Variants in NAV2 observed in about 807,000 individuals in gnomAD.
NAV2 encodes the protein helicase, APC down-regulated 1.
NAV2 carries 54 observed loss-of-function variants against 223.2 expected under a neutral mutation model. The ratio of observed to expected loss-of-function variants is 0.24; its 90% confidence interval spans 0.19 to 0.30. NAV2 has a LOEUF of 0.30. NAV2 is among the 10% of genes least tolerant of loss of function. The pLI is 1.00. For missense variants in NAV2, 2,806 were observed against 3,147.5 expected, an observed-to-expected ratio of 0.89 and a Z score of 2.60; for synonymous variants, 1,279 against 1,239.3, an observed-to-expected ratio of 1.03 and a Z score of -0.67.
chr11:19,572,449 G>T (rs2045455307), intron 1 of NAV2, among the ~76,000 whole-genome samples: 2 of 152,102 alleles, frequency 1.3e-5, no homozygotes, highest in South Asian at 2.1e-4. Flanking sequence ...CAACCTTTCG[G>T]CTTCAATATT....
intron 1 of NAV2, among the ~76,000 whole-genome samples, chr11:19,360,546 C>T (rs537804374): frequency 2.0e-5 from 3 of 152,290 alleles, no homozygotes; most frequent in Admixed American, 2.0e-4. Flanking sequence ...AAAGCAAGTC[C>T]ATAGAGATAG....
chr11:19,838,679 A>G (rs1276254033), intron 2 of NAV2, among the ~76,000 whole-genome samples: 1 of 152,220 alleles, frequency 6.6e-6, no homozygotes, highest in Non-Finnish European at 1.5e-5. Context: ...GCTGGAGTGC[A>G]GTGTTACGAT....
At chr11:20,037,647 A>G (rs1345634968) in intron 12 of NAV2, among the ~76,000 whole-genome samples, 2 of 152,188 alleles carry the variant, frequency 1.3e-5, no homozygotes, top group Non-Finnish European at 2.9e-5. Flanking sequence ...GTGGCTATGT[A>G]AGTATGTTAA....
At chr11:19,621,382 T>C (rs2046989861) in intron 1 of NAV2, among the ~76,000 whole-genome samples, 1 of 152,216 alleles carries the variant, frequency 6.6e-6, no homozygotes, top group Admixed American at 6.5e-5. Flanking sequence ...ATCCGTCTGG[T>C]CCTGGACTTT....
intron 1 of NAV2, among the ~76,000 whole-genome samples, chr11:19,697,626 G>A (rs1350591966): frequency 6.6e-6 from 1 of 152,066 alleles, no homozygotes; most frequent in South Asian, 2.1e-4. Flanking sequence ...GATGGGGCAG[G>A]AGGGGTCTTG....
intron 1 of NAV2, among the ~76,000 whole-genome samples, chr11:19,619,507 C>T (rs2046917156): frequency 6.6e-6 from 1 of 152,134 alleles, no homozygotes; most frequent in African/African-American, 2.4e-5. Flanking sequence ...TCTCTGATGG[C>T]CAGTGATGAT....
At chr11:19,878,965 C>T (rs2063029752) in intron 4 of NAV2, among the ~76,000 whole-genome samples, 1 of 152,162 alleles carries the variant, frequency 6.6e-6, no homozygotes, top group Non-Finnish European at 1.5e-5. Context: ...CCTAGGATGA[C>T]AGGAAAGCAG....
At chr11:19,895,026 G>A (rs867013014) in intron 6 of NAV2, among the ~76,000 whole-genome samples, 11 of 151,952 alleles carry the variant, frequency 7.2e-5, no homozygotes, top group African/African-American at 1.9e-4. Context: ...CACTGTGCCC[G>A]GCTATCATAC....
In NAV2 at chr11:19,712,916, C is replaced by G. The variant is rs908810449; in HGVS notation, c.-780C>G. ...GGCCGCTCCCGAGCGCAGCCCTGCC[C>G]GGCCCGCCAGCCGCGCGTCCCGGCG... On this transcript the variant is annotated 5_prime_UTR_variant, in exon 1 of 38. Coordinates refer to ENST00000349880, the MANE Select transcript of NAV2 (RefSeq NM_145117.5). 6.6e-6 allele frequency among the ~76,000 whole-genome samples: 1 copy of G among 151,410 alleles called. No homozygotes were observed. Among genetic ancestry groups the G allele is most frequent in the Admixed American group, 6.6e-5 (1 of 15,184 alleles).
rs58746035 is a variant in NAV2, at chr11:19,668,309, G to A, written c.76-164175G>A. 4.6e-3 allele frequency among the ~76,000 whole-genome samples: 703 copies of A among 152,216 alleles called. 5 individuals carry two copies. Among genetic ancestry groups the A allele is most frequent in the Middle Eastern group, 0.024 (7 of 294 alleles). On this transcript the variant is annotated intron_variant, in intron 1 of 37. Coordinates refer to the NAV2 transcript ENST00000360655. ...TCTCAGCACTTTGAGAGGCCAAGGC[G>A]GGTGGATCACCTGAGGTCAGGAGTT...
chr11:19,540,890 T>C (rs987954626), intron 1 of NAV2, among the ~76,000 whole-genome samples: 3 of 152,070 alleles, frequency 2.0e-5, no homozygotes, highest in African/African-American at 7.3e-5. Flanking sequence ...AAACCCTGTT[T>C]CTTAAAAGAA....
intron 1 of NAV2, among the ~76,000 whole-genome samples, chr11:19,625,173 T>C (rs2047129193): frequency 6.6e-6 from 1 of 152,228 alleles, no homozygotes; most frequent in Admixed American, 6.5e-5. Flanking sequence ...TTTTCTTATT[T>C]AGCTGTGATT....
intron 12 of NAV2, among the ~76,000 whole-genome samples, chr11:20,040,144 G>T (rs1175922749): frequency 6.6e-6 from 1 of 152,172 alleles, no homozygotes; most frequent in African/African-American, 2.4e-5. Flanking sequence ...TATCTCCATG[G>T]TCACTGGGGC....
intron 1 of NAV2, among the ~76,000 whole-genome samples, chr11:19,600,077 G>A (rs2135232140): frequency 6.6e-6 from 1 of 152,298 alleles, no homozygotes; most frequent in East Asian, 1.9e-4. Flanking sequence ...GCCAATAAAA[G>A]GTGTGCTAAT....
chr11:19,624,765 C>A (rs1248547183), intron 1 of NAV2, among the ~76,000 whole-genome samples: 4 of 152,158 alleles, frequency 2.6e-5, no homozygotes, highest in Non-Finnish European at 5.9e-5. Context: ...CACTGTCCTG[C>A]ACCCACTGTC....
intron 10 of NAV2, among the ~76,000 whole-genome samples, chr11:19,982,961 T>A (rs899309950): frequency 6.6e-6 from 1 of 152,196 alleles, no homozygotes; most frequent in African/African-American, 2.4e-5. Flanking sequence ...CAGCTGACCC[T>A]GTTTCAGAAA....
chr11:19,657,361 T>C (rs959679801), intron 1 of NAV2, among the ~76,000 whole-genome samples: 1 of 152,208 alleles, frequency 6.6e-6, no homozygotes, highest in East Asian at 1.9e-4. Flanking sequence ...ACTTATTTTA[T>C]ACATTTAATA....
intron 1 of NAV2, among the ~76,000 whole-genome samples, chr11:19,429,732 G>T (rs1267109496): frequency 2.0e-5 from 3 of 152,134 alleles, no homozygotes; most frequent in Non-Finnish European, 4.4e-5. Flanking sequence ...CTAGGAGGTG[G>T]GCATTTTGCT....
intron 1 of NAV2, among the ~76,000 whole-genome samples, chr11:19,618,031 T>C (rs569647740): frequency 1.3e-5 from 2 of 152,322 alleles, no homozygotes; most frequent in East Asian, 1.9e-4. Flanking sequence ...ATTTTTCCCT[T>C]AGTCATCATC....
Sources: allele counts gnomAD v4.1 joint callset (sites outside exome capture counted in the v4.1 genomes callset), GRCh38; gene constraint gnomAD v4.1.1; transcripts MANE v1.5; gene names NCBI Gene and HGNC (gene_info 2026-07-23, HGNC 2026-07-21).